SPIDR: variants seen among roughly 807,000 people sequenced by gnomAD.
The protein encoded by SPIDR is scaffold protein involved in DNA repair.
In SPIDR, 93 loss-of-function variants were observed where a neutral mutation model predicts 104.6. The observed-to-expected ratio is 0.89, with a 90% CI of 0.75 to 1.06. SPIDR has a LOEUF of 1.06. Ranked by LOEUF, SPIDR falls within the 50% of genes least tolerant of loss-of-function variation. The probability of loss-of-function intolerance (pLI) is 0.00; values close to 1 mark genes in which losing one functional copy is unlikely to be tolerated. For missense variants in SPIDR, 1,154 were observed against 1,111.2 expected, an observed-to-expected ratio of 1.04 and a Z score of -0.55; for synonymous variants, 431 against 416.9, an observed-to-expected ratio of 1.03 and a Z score of -0.41.
At chr8:47,289,416 A>G (rs1316475369) in intron 3 of SPIDR, among the ~76,000 whole-genome samples, 1 of 152,160 alleles carries the variant, frequency 6.6e-6, no homozygotes, top group Non-Finnish European at 1.5e-5. Context: ...ATATATGTAC[A>G]TATATATGTT....
intron 8 of SPIDR, 111 bp from the exon 9 acceptor site, chr8:47,595,700 T>A (rs2154422877): frequency 9.8e-7 from 1 of 1,019,100 alleles, no homozygotes; most frequent in East Asian, 2.6e-5. Flanking sequence ...TGGGCTTGGC[T>A]TTAGCTGTCC....
At chr8:47,322,965 C>T (rs2047000056) in intron 5 of SPIDR, among the ~76,000 whole-genome samples, 1 of 151,994 alleles carries the variant, frequency 6.6e-6, no homozygotes, top group Non-Finnish European at 1.5e-5. Context: ...GGAGGGATAG[C>T]ATTAGGAGGT....
At position 47,729,396 on chromosome 8, in the gene SPIDR, G is replaced by C. The variant is rs780378453; in HGVS notation, c.2551-16G>C. The C allele has an allele frequency of 1.5e-5, 24 of 1,583,092 alleles. No homozygotes were observed. Among genetic ancestry groups the C allele is most frequent in the Non-Finnish European group, 2.0e-5 (23 of 1,164,554 alleles). On this transcript the variant is annotated splice_polypyrimidine_tract_variant and intron_variant, in intron 18 of 19. Coordinates refer to ENST00000297423, the MANE Select transcript of SPIDR (RefSeq NM_001080394.4). Reference sequence around the variant, plus strand: ...GTTGGAGGGAGTTTAACCCAGCCCTGCTTCTGCTGTTGCAGCTGTTGCAGC... The same window carrying C: ...GTTGGAGGGAGTTTAACCCAGCCCTCCTTCTGCTGTTGCAGCTGTTGCAGC...
At chr8:47,358,249 T>C (rs1379462663) in intron 5 of SPIDR, among the ~76,000 whole-genome samples, 2 of 152,172 alleles carry the variant, frequency 1.3e-5, no homozygotes, top group East Asian at 1.9e-4. Context: ...CCACCGTAGC[T>C]AATTTTTATA....
chr8:47,712,827 G>A lies in SPIDR; in HGVS notation c.2143G>A (p.Ala715Thr), dbSNP rs1403201147. ...TGAAGTCCTGGAGGCACTCGCTGGGGCTGCCCCTCACAGCCTCTTCTTCAA... is the reference window on the plus strand; with the variant it reads ...TGAAGTCCTGGAGGCACTCGCTGGGACTGCCCCTCACAGCCTCTTCTTCAA... ...GSEVLEALAG[A>T]APHSLFFKDA... is the part of the protein sequence containing the mutation. The change falls in exon 15 of 20, where the codon GCT (alanine) becomes ACT (threonine). Residue 715 changes from alanine (A) to threonine (T), a missense_variant. Coordinates refer to ENST00000297423, the MANE Select transcript of SPIDR (RefSeq NM_001080394.4). The A allele has an allele frequency of 6.2e-7, 1 of 1,614,068 alleles. No individual in the cohort carries two copies. Among genetic ancestry groups the A allele is most frequent in the Non-Finnish European group, 8.5e-7 (1 of 1,180,038 alleles).
chr8:47,325,387 G>T (rs1261610407), intron 5 of SPIDR, among the ~76,000 whole-genome samples: 1 of 152,164 alleles, frequency 6.6e-6, no homozygotes, highest in Non-Finnish European at 1.5e-5. Flanking sequence ...AGAGGAAAAA[G>T]TAGTATAAGT....
chr8:47,728,426 G>C (rs1010529297), intron 17 of SPIDR, among the ~76,000 whole-genome samples: 1 of 151,902 alleles, frequency 6.6e-6, no homozygotes, highest in Non-Finnish European at 1.5e-5. Flanking sequence ...AACAGAGAGA[G>C]AGCGAGACTC....
chr8:47,616,865 C>T (rs1001837960), intron 10 of SPIDR, among the ~76,000 whole-genome samples: 9 of 152,092 alleles, frequency 5.9e-5, no homozygotes, highest in Non-Finnish European at 1.3e-4. Context: ...TTAGATTTTC[C>T]CTGATGTCCA....
chr8:47,513,803 A>G (rs2082716657), intron 8 of SPIDR, among the ~76,000 whole-genome samples: 1 of 152,176 alleles, frequency 6.6e-6, no homozygotes, highest in Non-Finnish European at 1.5e-5. Context: ...GATCTATGTT[A>G]ATAGCTTTAA....
chr8:47,319,333 C>A (rs1308154511), intron 5 of SPIDR, among the ~76,000 whole-genome samples: 1 of 152,046 alleles, frequency 6.6e-6, no homozygotes. Context: ...CAACAAAGAT[C>A]AAAAGAGACA....
At chr8:47,280,234 T>C (rs999592688) in intron 2 of SPIDR, among the ~76,000 whole-genome samples, 4 of 151,400 alleles carry the variant, frequency 2.6e-5, no homozygotes, top group Admixed American at 2.6e-4. Flanking sequence ...ATTTTTTTTT[T>C]ATTTTATTTA....
intron 10 of SPIDR, among the ~76,000 whole-genome samples, chr8:47,617,792 A>G (rs953407848): frequency 1.3e-5 from 2 of 152,200 alleles, no homozygotes; most frequent in East Asian, 1.9e-4. Flanking sequence ...CCTGGATGAT[A>G]TGAGCTAATG....
At chr8:47,543,304 C>G (rs2088607612) in intron 8 of SPIDR, among the ~76,000 whole-genome samples, 1 of 152,130 alleles carries the variant, frequency 6.6e-6, no homozygotes, top group Non-Finnish European at 1.5e-5. Context: ...GTGAGTGATC[C>G]AGTTTCTCCA....
chr8:47,705,732 C>T (rs1344110298), intron 14 of SPIDR, among the ~76,000 whole-genome samples: 2 of 152,036 alleles, frequency 1.3e-5, no homozygotes, highest in Non-Finnish European at 2.9e-5. Context: ...AGCACGACCC[C>T]GTCTCTACAA....
At chr8:47,386,900 G>GATAT (rs1563810829) in intron 5 of SPIDR, among the ~76,000 whole-genome samples, 3 of 71,840 alleles carry the variant, frequency 4.2e-5, no homozygotes, top group South Asian at 4.2e-4. Flanking sequence ...GAAAGAGAGA[G>GATAT]AGAGATATAG....
intron 10 of SPIDR, among the ~76,000 whole-genome samples, chr8:47,637,556 C>G (rs971868476): frequency 2.0e-5 from 3 of 152,130 alleles, no homozygotes; most frequent in Non-Finnish European, 4.4e-5. Context: ...GGCGACAGAG[C>G]AAGACGTGCT....
At chr8:47,414,378 A>G (rs993989846) in intron 7 of SPIDR, among the ~76,000 whole-genome samples, 1 of 152,212 alleles carries the variant, frequency 6.6e-6, no homozygotes, top group Non-Finnish European at 1.5e-5. Context: ...TGTTTGGCTC[A>G]AAACAAAAAC....
At chr8:47,729,650 CT>C in intron 19 of SPIDR, 185 bp downstream of exon 19, 1 of 626,002 alleles carries the variant, frequency 1.6e-6, no homozygotes, top group Non-Finnish European at 2.7e-6. Flanking sequence ...TTCCTTTCCT[CT>C]GTGGAAATGA....
intron 5 of SPIDR, among the ~76,000 whole-genome samples, chr8:47,355,588 T>G (rs1308284674): frequency 2.6e-5 from 4 of 152,202 alleles, no homozygotes; most frequent in African/African-American, 9.6e-5. Flanking sequence ...TTTACAGACA[T>G]AGATTAAGTA....
Sources: allele counts gnomAD v4.1 joint callset (sites outside exome capture counted in the v4.1 genomes callset), GRCh38; gene constraint gnomAD v4.1.1; transcripts MANE v1.5; gene names NCBI Gene and HGNC (gene_info 2026-07-23, HGNC 2026-07-21).